The following EEF1AKMT1 variants were observed in gnomAD, a reference collection of about 807,000 sequenced individuals.
EEF1AKMT1 encodes N-6 adenine-specific DNA methyltransferase 2 (putative).
Under a neutral mutation model 21.0 loss-of-function variants are expected in EEF1AKMT1, and 18 were observed. The observed-to-expected ratio is 0.86, with a 90% CI of 0.59 to 1.27. The LOEUF (loss-of-function observed/expected upper bound fraction) is 1.27, where lower values mean the gene tolerates loss of function less well. EEF1AKMT1 is among the 50% of genes most tolerant of loss of function. EEF1AKMT1 has a pLI of 0.00. For missense variants in EEF1AKMT1, 246 were observed against 258.6 expected (o/e 0.95, Z 0.33); for synonymous variants, 109 against 94.8 (o/e 1.15, Z -0.87).
intron 2 of EEF1AKMT1, among the ~76,000 whole-genome samples, chr13:20,738,006 C>A (rs1457213531): frequency 3.3e-5 from 5 of 151,994 alleles, no homozygotes. Flanking sequence ...AATACAAGCC[C>A]CTAATGAATT....
chr13:20,731,035 C>T (rs997420549), intron 4 of EEF1AKMT1, among the ~76,000 whole-genome samples: 14 of 152,198 alleles, frequency 9.2e-5, no homozygotes, highest in African/African-American at 3.4e-4. Context: ...GGAGGTGCCG[C>T]CTTTAAGAGC....
intron 2 of EEF1AKMT1, among the ~76,000 whole-genome samples, chr13:20,754,713 T>C (rs1305158263): frequency 2.2e-5 from 3 of 136,838 alleles, no homozygotes; most frequent in Non-Finnish European, 3.1e-5. Context: ...CTGGCCAACA[T>C]GGTAAAACCC....
At chr13:20,740,026 G>T (rs574122306) in intron 2 of EEF1AKMT1, among the ~76,000 whole-genome samples, 5 of 152,370 alleles carry the variant, frequency 3.3e-5, no homozygotes, top group East Asian at 3.9e-4. Flanking sequence ...AGCCCATGGT[G>T]GGGGAGGAGG....
intron 2 of EEF1AKMT1, among the ~76,000 whole-genome samples, chr13:20,738,275 T>A (rs2058838065): frequency 6.6e-6 from 1 of 152,270 alleles, no homozygotes; most frequent in Non-Finnish European, 1.5e-5. Context: ...CAGCCTCATC[T>A]TACCTTATGC....
intron 1 of EEF1AKMT1, among the ~76,000 whole-genome samples, chr13:20,761,170 CAT>C (rs1313919988): frequency 6.6e-6 from 1 of 151,664 alleles, no homozygotes; most frequent in Admixed American, 6.6e-5. Flanking sequence ...AAAACACTTC[CAT>C]GGATAAGAGA....
chr13:20,734,245 AG>A (rs2058813922), intron 3 of EEF1AKMT1, among the ~76,000 whole-genome samples: 1 of 152,224 alleles, frequency 6.6e-6, no homozygotes, highest in African/African-American at 2.4e-5. Context: ...ATCCACCTGA[AG>A]GATGTACTTC....
At chr13:20,767,305 CAAAAAAAAAA>C (rs61703956) in intron 1 of EEF1AKMT1, among the ~76,000 whole-genome samples, 3 of 40,348 alleles carry the variant, frequency 7.4e-5, no homozygotes, top group East Asian at 6.9e-4. Flanking sequence ...GATTCTGTCT[CAAAAAAAAAA>C]AAAAAAAAAA....
At chr13:20,732,994 G>GTT (rs1279760818) in intron 3 of EEF1AKMT1, among the ~76,000 whole-genome samples, 1 of 151,562 alleles carries the variant, frequency 6.6e-6, no homozygotes, top group Non-Finnish European at 1.5e-5. Flanking sequence ...CAGCAGCCCA[G>GTT]TTTATGAATG....
At chr13:20,771,013 G>A (rs2059060198) in intron 1 of EEF1AKMT1, among the ~76,000 whole-genome samples, 1 of 151,974 alleles carries the variant, frequency 6.6e-6, no homozygotes. Flanking sequence ...CTGAGTAGCT[G>A]GGACTACAGA....
chr13:20,739,109 C>A (rs1405160150), intron 2 of EEF1AKMT1, among the ~76,000 whole-genome samples: 1 of 152,022 alleles, frequency 6.6e-6, no homozygotes, highest in African/African-American at 2.4e-5. Context: ...AGACCTTCGC[C>A]AAGAGGATTA....
At chr13:20,735,093 T>G (rs890438384) in intron 3 of EEF1AKMT1, among the ~76,000 whole-genome samples, 2 of 151,946 alleles carry the variant, frequency 1.3e-5, no homozygotes, top group Non-Finnish European at 2.9e-5. Context: ...GAACAGCAGA[T>G]GGGTGGGTAG....
At chr13:20,766,947 C>T (rs2059037253) in intron 1 of EEF1AKMT1, among the ~76,000 whole-genome samples, 1 of 152,138 alleles carries the variant, frequency 6.6e-6, no homozygotes, top group African/African-American at 2.4e-5. Context: ...GTTATAAATG[C>T]CACACTACAT....
At chr13:20,767,177 G>C (rs1056013030) in intron 1 of EEF1AKMT1, among the ~76,000 whole-genome samples, 10 of 151,508 alleles carry the variant, frequency 6.6e-5, no homozygotes, top group African/African-American at 2.2e-4. Flanking sequence ...GTTGTGGCAA[G>C]CACCTGTAGT....
rs753437846 is a variant in EEF1AKMT1, at chr13:20,731,996, T to C, written c.353A>G (p.Tyr118Cys). 46 of 1,614,126 alleles carry C rather than the reference T, an allele frequency of 2.8e-5. No homozygotes were observed. Among genetic ancestry groups the C allele is most frequent in the South Asian group, 3.3e-5 (3 of 91,092 alleles). ...FAMYGEEFIF[Y>C]DYNNPLDLPE... ...TAAGTCCAATGGATTATTGTAATCA[T>C]AGAAAATAAACTCCTCTCCATACAT... The change falls in exon 4 of 5, where the codon TAT becomes TGT. Residue 118 changes from tyrosine (Y) to cysteine (C), a missense_variant. Transcript: ENST00000382758.
intron 1 of EEF1AKMT1, among the ~76,000 whole-genome samples, chr13:20,771,418 C>T (rs927108091): frequency 6.6e-6 from 1 of 151,976 alleles, no homozygotes; most frequent in Non-Finnish European, 1.5e-5. Context: ...ATAAAGAGTA[C>T]CAAATCCATT....
At chr13:20,748,502 C>T (rs1566533369) in intron 2 of EEF1AKMT1, among the ~76,000 whole-genome samples, 1 of 151,736 alleles carries the variant, frequency 6.6e-6, no homozygotes, top group Non-Finnish European at 1.5e-5. Context: ...TATCCCATGA[C>T]CCCCTGCCAT....
At chr13:20,751,743 A>G (rs1051734418) in intron 2 of EEF1AKMT1, among the ~76,000 whole-genome samples, 1 of 151,990 alleles carries the variant, frequency 6.6e-6, no homozygotes, top group Admixed American at 6.6e-5. Flanking sequence ...TGCTTTGGGT[A>G]TAATCATTTT....
chr13:20,765,024 G>A (rs1168059332), intron 1 of EEF1AKMT1, among the ~76,000 whole-genome samples: 1 of 151,930 alleles, frequency 6.6e-6, no homozygotes, highest in Non-Finnish European at 1.5e-5. Context: ...CACTTTGAGA[G>A]GCTGAGGCGG....
intron 1 of EEF1AKMT1, among the ~76,000 whole-genome samples, chr13:20,765,618 G>A (rs930228656): frequency 2.6e-5 from 4 of 151,638 alleles, no homozygotes; most frequent in Non-Finnish European, 4.4e-5. Flanking sequence ...TCACCATGTT[G>A]GCCAGGCTGG....
Sources: allele counts gnomAD v4.1 joint callset (sites outside exome capture counted in the v4.1 genomes callset), GRCh38; gene constraint gnomAD v4.1.1; transcripts MANE v1.5; gene names NCBI Gene and HGNC (gene_info 2026-07-23, HGNC 2026-07-21).